TMEM131: variants seen among roughly 807,000 people sequenced by gnomAD.
TMEM131 encodes the protein transmembrane protein 131.
Under a neutral mutation model 211.6 loss-of-function variants are expected in TMEM131, and 66 were observed. The observed-to-expected ratio is 0.31, with a 90% CI of 0.26 to 0.38. The LOEUF is 0.38. TMEM131 is among the 10% of genes least tolerant of loss of function. The probability of loss-of-function intolerance (pLI) is 1.00; values close to 1 mark genes in which losing one functional copy is unlikely to be tolerated. For synonymous variants in TMEM131, 844 were observed against 841.3 expected (o/e 1.00, Z -0.06); for missense variants, 2,036 against 2,299.3 (o/e 0.89, Z 2.34).
intron 1 of TMEM131, among the ~76,000 whole-genome samples, chr2:97,974,802 A>G (rs1679459090): frequency 6.6e-6 from 1 of 152,212 alleles, no homozygotes; most frequent in Admixed American, 6.5e-5. Context: ...TCAGAGATAT[A>G]AAACCTGAAA....
chr2:97,948,541 A>G (rs553907003), intron 1 of TMEM131, among the ~76,000 whole-genome samples: 1 of 152,290 alleles, frequency 6.6e-6, no homozygotes, highest in African/African-American at 2.4e-5. Flanking sequence ...TAAGATGAAA[A>G]CTTCTTACCA....
intron 31 of TMEM131, among the ~76,000 whole-genome samples, chr2:97,783,708 T>C (rs1306280199): frequency 1.3e-5 from 2 of 149,024 alleles, no homozygotes; most frequent in Non-Finnish European, 3.0e-5. Flanking sequence ...AAAAAGAAAA[T>C]AGAGAAAACA....
At chr2:97,790,921 T>A (rs1680472120) in intron 31 of TMEM131, among the ~76,000 whole-genome samples, 1 of 152,218 alleles carries the variant, frequency 6.6e-6, no homozygotes, top group Admixed American at 6.5e-5. Context: ...TTTGTATTCC[T>A]GGGACTAAAA....
intron 4 of TMEM131, among the ~76,000 whole-genome samples, chr2:97,886,291 AATT>A (rs1176116447): frequency 6.6e-6 from 1 of 151,990 alleles, no homozygotes; most frequent in East Asian, 1.9e-4. Flanking sequence ...GTTACTGAAG[AATT>A]ATTGTTTTCC....
chr2:97,793,026 CA>C (rs1157530548), intron 30 of TMEM131, 42 bp from the exon 31 acceptor site: 1 of 1,350,964 alleles, frequency 7.4e-7, no homozygotes, highest in African/African-American at 1.5e-5. Flanking sequence ...TAGCAACCTA[CA>C]AAATCTAATA....
chr2:97,837,519 C>T (rs1390414820), intron 7 of TMEM131, among the ~76,000 whole-genome samples: 1 of 152,124 alleles, frequency 6.6e-6, no homozygotes, highest in Non-Finnish European at 1.5e-5. Context: ...CTTACAGTAA[C>T]ACAAAGTGCT....
intron 3 of TMEM131, among the ~76,000 whole-genome samples, chr2:97,899,231 A>G (rs747955092): frequency 2.0e-5 from 3 of 152,148 alleles, no homozygotes; most frequent in Non-Finnish European, 4.4e-5. Context: ...CATTTTAAAG[A>G]TTAGTGTTTA....
rs181037969 is a variant in TMEM131, at chr2:97,889,122, A to T, written c.291-1002T>A. 1.7e-3 allele frequency among the ~76,000 whole-genome samples: 259 copies of T among 152,376 alleles called. 1 individual carries two copies. Among genetic ancestry groups the T allele is most frequent in the Non-Finnish European group, 2.2e-3 (149 of 68,030 alleles). ...AATTCAATTCTATAAAGATTAAATA[A>T]TCTGAGTAGTGGAATAATTTAGCTG... On this transcript the variant is annotated intron_variant, in intron 3 of 40. Coordinates refer to ENST00000186436, the MANE Select transcript of TMEM131 (RefSeq NM_015348.2).
At chr2:97,896,889 G>T (rs1420089109) in intron 3 of TMEM131, among the ~76,000 whole-genome samples, 1 of 151,954 alleles carries the variant, frequency 6.6e-6, no homozygotes, top group Admixed American at 6.6e-5. Flanking sequence ...ATTGTCTGTT[G>T]AAATTTCTAT....
intron 11 of TMEM131, among the ~76,000 whole-genome samples, chr2:97,819,627 AT>A (rs1180181268): frequency 1.3e-5 from 2 of 152,188 alleles, no homozygotes; most frequent in Admixed American, 6.5e-5. Context: ...ACAACTCTTG[AT>A]TAAAAAATAA....
chr2:97,832,161 T>C (rs541126021), intron 11 of TMEM131, among the ~76,000 whole-genome samples: 12 of 152,296 alleles, frequency 7.9e-5, no homozygotes, highest in African/African-American at 2.9e-4. Context: ...ACTTACAATA[T>C]ATCCTAAAAC....
intron 2 of TMEM131, among the ~76,000 whole-genome samples, chr2:97,924,305 C>T (rs1340021371): frequency 6.6e-6 from 1 of 152,136 alleles, no homozygotes; most frequent in Non-Finnish European, 1.5e-5. Flanking sequence ...TTCACTTGGG[C>T]CCGGGAGGTC....
rs1002891050 is a variant in TMEM131, at chr2:97,967,569, A to T, written c.187+27907T>A. ...GGAAATAAGAAATTTAATAAGTAAC[A>T]AACTGCTTATAATAAAAAACTGTAT... On this transcript the variant is annotated intron_variant, in intron 1 of 40. Transcript: ENST00000186436. 2.0e-5 allele frequency among the ~76,000 whole-genome samples: 3 copies of T among 152,222 alleles called. No individual in the cohort carries two copies. In the South Asian group the frequency reaches 6.2e-4, roughly 32 times the overall value.
chr2:97,908,342 A>C (rs943845815), intron 3 of TMEM131, among the ~76,000 whole-genome samples: 1 of 152,294 alleles, frequency 6.6e-6, no homozygotes, highest in Non-Finnish European at 1.5e-5. Context: ...TGGTCAGTAC[A>C]TCAAAAGCAG....
chr2:97,809,922 T>C lies in TMEM131; in HGVS notation c.1969-148A>G, dbSNP rs1390291023. ...TACCAATATTAAAATCACCCATAGA[T>C]ACTGTTTAATCTGTCCAATGTACTC... On this transcript the variant is annotated intron_variant, in intron 18 of 40. Coordinates refer to ENST00000186436, the MANE Select transcript of TMEM131 (RefSeq NM_015348.2). The C allele has an allele frequency of 9.7e-6, 6 of 617,798 alleles. No homozygotes were observed. In the South Asian group the frequency reaches 9.9e-5, roughly 10 times the overall value. The allele number at this position is 617,798 out of a possible 1,614,324, so 38.3% of individuals were successfully genotyped here. A position where few individuals can be genotyped will look rare whatever the true frequency, so the allele number is the denominator to read the frequency against.
rs563347959 is a variant in TMEM131, at chr2:97,922,571, T to TAA, written c.249+4853_249+4854dup. On this transcript the variant is annotated intron_variant, in intron 2 of 40. Coordinates refer to ENST00000186436, the MANE Select transcript of TMEM131 (RefSeq NM_015348.2). ...AGTAACTACAGTTACACTCAACACATAATGCTGTGAATCTTAGAAACATAA... is the reference window on the plus strand; with the variant it reads ...AGTAACTACAGTTACACTCAACACATAAAATGCTGTGAATCTTAGAAACATAA... Among the ~76,000 whole-genome samples, 42 of 151,816 alleles carry TAA rather than the reference T, an allele frequency of 2.8e-4. 1 individual carries two copies. In the South Asian group the frequency reaches 8.5e-3, roughly 31 times the overall value.
At chr2:97,986,333 G>C (rs1399132535) in intron 1 of TMEM131, among the ~76,000 whole-genome samples, 1 of 152,012 alleles carries the variant, frequency 6.6e-6, no homozygotes, top group African/African-American at 2.4e-5. Context: ...TGGGGAATAG[G>C]GGCAGGAAAA....
intron 3 of TMEM131, among the ~76,000 whole-genome samples, chr2:97,888,857 T>G (rs1559426423): frequency 1.3e-5 from 2 of 152,204 alleles, no homozygotes; most frequent in Admixed American, 6.5e-5. Flanking sequence ...AGTCAGGCAC[T>G]AAGTTTCAAA....
chr2:97,774,899 G>C (rs1007781720), intron 32 of TMEM131, among the ~76,000 whole-genome samples: 22 of 152,104 alleles, frequency 1.4e-4, no homozygotes, highest in African/African-American at 5.3e-4. Context: ...CCACGGTAAC[G>C]GTGAGGGAAT....
Sources: gnomAD v4.1 joint callset for allele counts (sites outside exome capture counted in the v4.1 genomes callset) on GRCh38, gnomAD v4.1.1 for gene constraint, MANE v1.5 for transcripts, NCBI Gene and HGNC (gene_info 2026-07-23, HGNC 2026-07-21) for gene names.